The following SCAI variants were observed in gnomAD, a reference collection of about 807,000 sequenced individuals.
The protein encoded by SCAI is protein SCAI.
SCAI carries 24 observed loss-of-function variants against 92.2 expected under a neutral mutation model. That is an observed-to-expected ratio of 0.26 (90% confidence interval 0.19 to 0.37). The LOEUF (loss-of-function observed/expected upper bound fraction) is 0.37, where lower values mean the gene tolerates loss of function less well. Among genes scored for constraint, SCAI ranks in the 10% least tolerant of loss-of-function variants. SCAI has a pLI of 1.00. For synonymous variants in SCAI, 261 were observed against 258.6 expected, an observed-to-expected ratio of 1.01 and a Z score of -0.09; for missense variants, 450 against 736.2, an observed-to-expected ratio of 0.61 and a Z score of 4.50.
intron 14 of SCAI, among the ~76,000 whole-genome samples, chr9:124,976,545 C>G (rs1831759330): frequency 6.6e-6 from 1 of 152,204 alleles, no homozygotes; most frequent in Non-Finnish European, 1.5e-5. Context: ...GATCCAGGAT[C>G]TGGCTTTCAG....
chr9:125,069,028 C>G (rs1264896375), intron 2 of SCAI, among the ~76,000 whole-genome samples: 1 of 151,926 alleles, frequency 6.6e-6, no homozygotes, highest in Non-Finnish European at 1.5e-5. Context: ...CCAACCTGGT[C>G]AACATGGTGA....
At position 124,945,808 on chromosome 9, in the gene SCAI, C is replaced by G. The variant is rs1393915473; in HGVS notation, c.*6999G>C. 1 of 152,062 alleles carries G rather than the reference C, an allele frequency of 6.6e-6. No homozygotes were observed. Among genetic ancestry groups the G allele is most frequent in the African/African-American group, 2.4e-5 (1 of 41,382 alleles). The allele number at this position is 152,062 out of a possible 1,614,324, so 9.4% of individuals were successfully genotyped here. The stretch of plus-strand genomic sequence containing the variant: ...TCTTTTTGTTCAAAACTCAGTGAAG[C>G]TGGAACATAGTGTAGTATTAGGCTT... On this transcript the variant is annotated 3_prime_UTR_variant, in exon 18 of 18. Coordinates refer to ENST00000336505, the MANE Select transcript of SCAI (RefSeq NM_001144877.3).
chr9:125,055,627 A>C (rs908754828), intron 3 of SCAI, among the ~76,000 whole-genome samples: 1 of 152,236 alleles, frequency 6.6e-6, no homozygotes, highest in Non-Finnish European at 1.5e-5. Context: ...GGTGTGAGTT[A>C]TGTATACAAA....
chr9:125,136,459 T>TC (rs1255122514), intron 2 of SCAI, among the ~76,000 whole-genome samples: 2 of 137,828 alleles, frequency 1.5e-5, no homozygotes, highest in African/African-American at 5.4e-5. Flanking sequence ...TACCTTTCTT[T>TC]TTTTTTTTTT....
intron 17 of SCAI, among the ~76,000 whole-genome samples, chr9:124,957,851 T>G (rs1831353775): frequency 6.6e-6 from 1 of 151,928 alleles, no homozygotes; most frequent in Non-Finnish European, 1.5e-5. Flanking sequence ...CACAGCTAAT[T>G]TTTGTATTTT....
intron 14 of SCAI, among the ~76,000 whole-genome samples, chr9:124,993,301 A>G (rs1832172460): frequency 6.6e-6 from 1 of 152,158 alleles, no homozygotes; most frequent in Non-Finnish European, 1.5e-5. Flanking sequence ...AAGAAAGTAC[A>G]CTGCTGGCTG....
At chr9:125,050,453 C>A (rs1833538014) in intron 3 of SCAI, among the ~76,000 whole-genome samples, 1 of 151,988 alleles carries the variant, frequency 6.6e-6, no homozygotes, top group African/African-American at 2.4e-5. Context: ...GTAGTGTAGA[C>A]AAGAATGCCA....
At chr9:124,980,772 T>G (rs1401115210) in intron 14 of SCAI, among the ~76,000 whole-genome samples, 2 of 152,182 alleles carry the variant, frequency 1.3e-5, no homozygotes, top group East Asian at 1.9e-4. Context: ...CTTTTGCTGG[T>G]TTTGCTCTGT....
intron 15 of SCAI, 139 bp downstream of exon 15, chr9:124,975,975 A>C: frequency 1.8e-6 from 1 of 548,556 alleles, no homozygotes; most frequent in Non-Finnish European, 3.3e-6. Flanking sequence ...GGTATATTTC[A>C]GAGCGACACC....
At position 124,947,071 on chromosome 9, in the gene SCAI, G is replaced by A. The variant is rs1831156349; in HGVS notation, c.*5736C>T. 6.6e-6 allele frequency: 1 copy of A among 151,990 alleles called. No homozygotes were observed. The highest frequency in any genetic ancestry group is 2.4e-5 in the African/African-American group (1 of 41,386). 9.4% of individuals were successfully genotyped at this position (151,990 alleles called of 1,614,324 possible). On this transcript the variant is annotated 3_prime_UTR_variant, in exon 18 of 18. Coordinates refer to ENST00000336505, the MANE Select transcript of SCAI (RefSeq NM_001144877.3). Reference sequence around the variant, plus strand: ...TCATAGAGACACATAAAACACTGATGAAAAAAGAATTGTTCCAAAATCAAA... The same window carrying A: ...TCATAGAGACACATAAAACACTGATAAAAAAAGAATTGTTCCAAAATCAAA...
intron 2 of SCAI, among the ~76,000 whole-genome samples, chr9:125,109,650 CATTTATCT>C (rs1326289103): frequency 1.3e-4 from 15 of 115,532 alleles, no homozygotes; most frequent in African/African-American, 4.8e-4. Context: ...TCAAGGTTTC[CATTTATCT>C]ATCTATCTAT....
rs764858681 is a variant in SCAI, at chr9:125,073,092, ATTTTTTTTTTTTTTTTTT to A, written c.99-17103_99-17086del. 4.1e-5 allele frequency among the ~76,000 whole-genome samples: 3 copies of A among 72,478 alleles called. 1 individual carries two copies. The highest frequency in any genetic ancestry group is 5.0e-4 in the South Asian group (1 of 1,982). 47.5% of individuals were successfully genotyped at this position (72,478 alleles called of 152,430 possible). A position where few individuals can be genotyped will look rare whatever the true frequency, so the allele number is the denominator to read the frequency against. On this transcript the variant is annotated intron_variant, in intron 2 of 17. Coordinates refer to ENST00000336505, the MANE Select transcript of SCAI (RefSeq NM_001144877.3). ...GGATCATATGAGGATTCTATTTTTA[ATTTTTTTTTTTTTTTTTT>A]TTTTTTTTTTTTGAGACGGAGTCTC...
intron 2 of SCAI, among the ~76,000 whole-genome samples, chr9:125,059,846 C>A (rs993809352): frequency 1.3e-5 from 2 of 152,178 alleles, no homozygotes; most frequent in African/African-American, 2.4e-5. Flanking sequence ...TCTCCGACCA[C>A]AAGGAAATAC....
At chr9:125,094,220 A>G (rs929837488) in intron 2 of SCAI, among the ~76,000 whole-genome samples, 1 of 152,184 alleles carries the variant, frequency 6.6e-6, no homozygotes, top group African/African-American at 2.4e-5. Flanking sequence ...ACAAGGTCTC[A>G]TATGATCTGA....
chr9:125,003,667 C>T (rs1378636062), intron 9 of SCAI, 97 bp from the exon 10 acceptor site: 3 of 738,416 alleles, frequency 4.1e-6, no homozygotes, highest in East Asian at 2.5e-5. Flanking sequence ...TTCACATGTA[C>T]TTCAGGGCTT....
Position 125,098,658 on chromosome 9 carries a change from C to T in SCAI, c.99-42651G>A, listed in dbSNP as rs113960261. ...GGCATGGCTGCAAGATGCAGTCACACTGTAAATTAAGAATCGAAGGGGGTC... is the reference window on the plus strand; with the variant it reads ...GGCATGGCTGCAAGATGCAGTCACATTGTAAATTAAGAATCGAAGGGGGTC... On this transcript the variant is annotated intron_variant, in intron 2 of 17. Coordinates refer to ENST00000336505, the MANE Select transcript of SCAI (RefSeq NM_001144877.3). Among the ~76,000 whole-genome samples, 143 of 152,266 alleles carry T rather than the reference C, an allele frequency of 9.4e-4. 1 individual carries two copies. Among genetic ancestry groups the T allele is most frequent in the African/African-American group, 3.3e-3 (138 of 41,564 alleles).
At chr9:125,013,831 A>T (rs927137641) in intron 9 of SCAI, among the ~76,000 whole-genome samples, 7 of 152,312 alleles carry the variant, frequency 4.6e-5, no homozygotes, top group East Asian at 3.9e-4. Context: ...CTTATCCACC[A>T]TGATCAAGTG....
intron 6 of SCAI, among the ~76,000 whole-genome samples, chr9:125,025,824 T>C (rs566906961): frequency 6.6e-6 from 1 of 152,338 alleles, no homozygotes; most frequent in South Asian, 2.1e-4. Flanking sequence ...CACTGTTTAG[T>C]TGGAAAGCTT....
At chr9:125,090,909 G>C (rs564408257) in intron 2 of SCAI, among the ~76,000 whole-genome samples, 2 of 152,262 alleles carry the variant, frequency 1.3e-5, no homozygotes, top group East Asian at 3.9e-4. Flanking sequence ...ATGAGGTCAA[G>C]AGATCGAGAC....
Sources: gnomAD v4.1 joint callset for allele counts (sites outside exome capture counted in the v4.1 genomes callset) on GRCh38, gnomAD v4.1.1 for gene constraint, MANE v1.5 for transcripts, NCBI Gene and HGNC (gene_info 2026-07-23, HGNC 2026-07-21) for gene names.